The following ARPC2 variants were observed in gnomAD, a reference collection of about 807,000 sequenced individuals.
The protein encoded by ARPC2 is actin-related protein 2/3 complex subunit 2.
In ARPC2, 4 loss-of-function variants were observed where a neutral mutation model predicts 38.6. That is an observed-to-expected ratio of 0.10 (90% CI 0.05 to 0.24). The LOEUF (loss-of-function observed/expected upper bound fraction) is 0.24. Among genes scored for constraint, ARPC2 ranks in the 10% least tolerant of loss-of-function variants. The pLI is 1.00. For missense variants in ARPC2, 229 were observed against 387.3 expected, an observed-to-expected ratio of 0.59 and a Z score of 3.43; for synonymous variants, 125 against 140.8, an observed-to-expected ratio of 0.89 and a Z score of 0.79.
chr2:218,246,102 A>C (rs1162100448), intron 8 of ARPC2, among the ~76,000 whole-genome samples: 1 of 152,066 alleles, frequency 6.6e-6, no homozygotes, highest in Non-Finnish European at 1.5e-5. Flanking sequence ...CTGTAGTCCC[A>C]GGTACTCCAG....
At chr2:218,238,004 GCA>G (rs923556388) in intron 5 of ARPC2, among the ~76,000 whole-genome samples, 2 of 152,126 alleles carry the variant, frequency 1.3e-5, no homozygotes, top group Non-Finnish European at 2.9e-5. Flanking sequence ...TTTTCCCTCT[GCA>G]AAACAGTAAC....
chr2:218,234,293 T>G, intron 4 of ARPC2, 59 bp from the exon 5 acceptor site: 4 of 1,367,404 alleles, frequency 2.9e-6, no homozygotes, highest in Non-Finnish European at 4.1e-6. Flanking sequence ...TTAAAAATAA[T>G]GAAATTATCA....
At chr2:218,217,567 G>A (rs757268477) in intron 2 of ARPC2, 23 bp downstream of exon 2, 2 of 1,599,414 alleles carry the variant, frequency 1.3e-6, no homozygotes, top group Non-Finnish European at 8.5e-7. Context: ...CCGGGGCCGG[G>A]GGTGGCGGGG....
intron 6 of ARPC2, chr2:218,239,092 G>C (rs574281885): frequency 1.9e-4 from 106 of 566,968 alleles, no homozygotes; most frequent in African/African-American, 1.7e-3. Context: ...AGGCACCACT[G>C]TTCTGAGTCA....
chr2:218,243,470 C>A (rs181012391), intron 7 of ARPC2, among the ~76,000 whole-genome samples: 5 of 152,290 alleles, frequency 3.3e-5, no homozygotes, highest in Admixed American at 2.6e-4. Flanking sequence ...GAAGCAAAGA[C>A]ATCAGAGAAT....
chr2:218,228,683 A>C, intron 3 of ARPC2, 55 bp from the exon 4 acceptor site: 2 of 1,124,624 alleles, frequency 1.8e-6, no homozygotes, highest in Non-Finnish European at 2.7e-6. Flanking sequence ...AGGCGCTTGG[A>C]GAGATTATTT....
chr2:218,223,304 C>T (rs1689425514), intron 2 of ARPC2, among the ~76,000 whole-genome samples: 1 of 152,224 alleles, frequency 6.6e-6, no homozygotes, highest in Admixed American at 6.5e-5. Flanking sequence ...GTACGCTACC[C>T]TCTGTTAGTC....
At chr2:218,227,569 G>T (rs1245390558) in intron 3 of ARPC2, among the ~76,000 whole-genome samples, 2 of 151,232 alleles carry the variant, frequency 1.3e-5, no homozygotes, top group African/African-American at 4.9e-5. Flanking sequence ...TGGGACTACA[G>T]ATCTCCACCA....
chr2:218,225,947 A>G lies in ARPC2; in HGVS notation c.102A>G (p.Thr34=). 1 of 1,613,716 alleles carries G rather than the reference A, an allele frequency of 6.2e-7. No homozygotes were observed. Among genetic ancestry groups the G allele is most frequent in the Non-Finnish European group, 8.5e-7 (1 of 1,179,710 alleles). Residue 34 remains threonine, a synonymous_variant, in exon 3 of 11, where the codon ACA becomes ACG. Coordinates refer to ENST00000315717, the MANE Select transcript of ARPC2 (RefSeq NM_152862.3). ...AGNKPEAVEV[T]FADFDGVLYH... ...ACAAACCGGAAGCAGTAGAAGTAAC[A>G]TTTGCAGGTAAGCATCTTTATCTCA... is the stretch of plus-strand genomic sequence containing the variant.
At chr2:218,227,213 C>CGAA (rs1689521018) in intron 3 of ARPC2, 1 of 319,672 alleles carries the variant, frequency 3.1e-6, no homozygotes, top group Non-Finnish European at 6.4e-6. Flanking sequence ...GTTTCAGGAA[C>CGAA]CTATTCCTAG....
intron 2 of ARPC2, among the ~76,000 whole-genome samples, chr2:218,219,950 C>T (rs1049024014): frequency 1.3e-5 from 2 of 152,128 alleles, no homozygotes; most frequent in Admixed American, 1.3e-4. Context: ...ATCAGACATT[C>T]CAGTAAGGTA....
chr2:218,240,081 A>G (rs1361288714), intron 7 of ARPC2, among the ~76,000 whole-genome samples: 2 of 151,948 alleles, frequency 1.3e-5, no homozygotes, highest in African/African-American at 4.8e-5. Flanking sequence ...CAGCCTCCCA[A>G]GTAGCTGGGA....
At chr2:218,245,386 T>G in intron 7 of ARPC2, 34 bp from the exon 8 acceptor site, 1 of 1,613,290 alleles carries the variant, frequency 6.2e-7, no homozygotes, top group African/African-American at 1.3e-5. Context: ...TTACACCCAC[T>G]TCTCTTCTGG....
intron 2 of ARPC2, among the ~76,000 whole-genome samples, chr2:218,218,532 G>T (rs1689312501): frequency 6.6e-6 from 1 of 152,192 alleles, no homozygotes; most frequent in African/African-American, 2.4e-5. Flanking sequence ...TCTAATTTTT[G>T]GTGGCCTGTG....
At chr2:218,251,137 T>A (rs1690179327) in intron 10 of ARPC2, among the ~76,000 whole-genome samples, 2 of 152,080 alleles carry the variant, frequency 1.3e-5, no homozygotes. Flanking sequence ...AGTCTTGAGG[T>A]CATAAGCCTC....
intron 8 of ARPC2, among the ~76,000 whole-genome samples, chr2:218,248,431 C>A (rs1690099124): frequency 6.6e-6 from 1 of 152,174 alleles, no homozygotes; most frequent in Non-Finnish European, 1.5e-5. Flanking sequence ...GGCATGCAGG[C>A]CTGCTGTAGT....
intron 7 of ARPC2, among the ~76,000 whole-genome samples, chr2:218,240,167 A>G (rs1574588533): frequency 6.7e-6 from 1 of 149,804 alleles, no homozygotes. Context: ...GTTGGCCAGG[A>G]TGGTCTCAAT....
intron 10 of ARPC2, among the ~76,000 whole-genome samples, chr2:218,250,521 C>T (rs997460224): frequency 2.0e-5 from 3 of 152,006 alleles, no homozygotes; most frequent in African/African-American, 4.8e-5. Flanking sequence ...AAAAATTAGC[C>T]GGTCGTGGTG....
intron 5 of ARPC2, among the ~76,000 whole-genome samples, chr2:218,238,101 A>G (rs1689815908): frequency 6.6e-6 from 1 of 152,200 alleles, no homozygotes; most frequent in Non-Finnish European, 1.5e-5. Context: ...TATACCAATA[A>G]AAGCTATTGG....
Sources: allele counts gnomAD v4.1 joint callset (sites outside exome capture counted in the v4.1 genomes callset), GRCh38; gene constraint gnomAD v4.1.1; transcripts MANE v1.5; gene names NCBI Gene and HGNC (gene_info 2026-07-23, HGNC 2026-07-21).